Variants in AFAP1L2 observed in about 807,000 individuals in gnomAD.
The protein encoded by AFAP1L2 is actin filament associated protein 1 like 2.
Under a neutral mutation model 99.3 loss-of-function variants are expected in AFAP1L2, and 46 were observed. The observed-to-expected ratio is 0.46, with a 90% CI of 0.37 to 0.59. The LOEUF (loss-of-function observed/expected upper bound fraction) is 0.59, where lower values mean the gene tolerates loss of function less well. Ranked by LOEUF, AFAP1L2 falls within the 20% of genes least tolerant of loss-of-function variation. The pLI is 0.00. For synonymous variants in AFAP1L2, 397 were observed against 419.1 expected (o/e 0.95, Z 0.64); for missense variants, 959 against 1,034.9 (o/e 0.93, Z 1.01).
rs565516700 is a variant in AFAP1L2, at chr10:114,356,874, G to A, written c.17-16143C>T. On this transcript the variant is annotated intron_variant, in intron 1 of 18. Transcript: ENST00000304129. ...ACATGTGTTGGTCATGATTTACCAA[G>A]GTGAGAAGGCTCTAAAAAAGGAAAG... is the stretch of plus-strand genomic sequence containing the variant. 1.2e-4 allele frequency among the ~76,000 whole-genome samples: 18 copies of A among 152,320 alleles called. No individual in the cohort carries two copies. The East Asian group carries it at 3.3e-3, about 28-fold the overall frequency.
chr10:114,399,617 C>T (rs1228547889), intron 1 of AFAP1L2, among the ~76,000 whole-genome samples: 1 of 152,058 alleles, frequency 6.6e-6, no homozygotes, highest in Non-Finnish European at 1.5e-5. Context: ...AATAATGGTC[C>T]GTGTTGCAGA....
At chr10:114,298,116 G>A (rs192333556) in intron 16 of AFAP1L2, among the ~76,000 whole-genome samples, 2 of 152,334 alleles carry the variant, frequency 1.3e-5, no homozygotes, top group African/African-American at 4.8e-5. Flanking sequence ...GGTGGTTCAC[G>A]CCTGTAATCC....
chr10:114,327,147 T>TTTTATATATATATA (rs1364666260), intron 4 of AFAP1L2, among the ~76,000 whole-genome samples: 9 of 54,536 alleles, frequency 1.7e-4, no homozygotes, highest in South Asian at 6.2e-4. Flanking sequence ...TTATATATAT[T>TTTTATATATATATA]TATATATATA....
At chr10:114,381,878 C>CAT (rs1365187196) in intron 1 of AFAP1L2, among the ~76,000 whole-genome samples, 4 of 151,962 alleles carry the variant, frequency 2.6e-5, no homozygotes, top group Non-Finnish European at 5.9e-5. Flanking sequence ...TGTACACACA[C>CAT]ACACACACAG....
chr10:114,300,444 C>T lies in AFAP1L2; in HGVS notation c.1788+1G>A. ...TGCTGTCCTGCAGGGGAGGCCTGTA[C>T]CTGTTCTCCCAGGTTCTCTGGACAC... is the stretch of plus-strand genomic sequence containing the variant. On this transcript the variant is annotated splice_donor_variant, in intron 14 of 18. Coordinates refer to ENST00000304129, the MANE Select transcript of AFAP1L2 (RefSeq NM_001001936.3). LOFTEE classifies it high-confidence loss of function. 6.2e-7 allele frequency: 1 copy of T among 1,613,326 alleles called. No individual in the cohort carries two copies.
At chr10:114,347,308 G>A (rs761526273) in intron 1 of AFAP1L2, among the ~76,000 whole-genome samples, 7 of 152,164 alleles carry the variant, frequency 4.6e-5, no homozygotes, top group Admixed American at 3.3e-4. Context: ...AAGTTCTCAA[G>A]ATGAGCTTCT....
intron 4 of AFAP1L2, among the ~76,000 whole-genome samples, chr10:114,323,747 G>A (rs2045766197): frequency 6.6e-6 from 1 of 152,140 alleles, no homozygotes; most frequent in South Asian, 2.1e-4. Flanking sequence ...GCAAATATTG[G>A]ATGACTTCCA....
At chr10:114,363,229 T>G in intron 1 of AFAP1L2, 1 of 954,916 alleles carries the variant, frequency 1.0e-6, no homozygotes, top group Non-Finnish European at 1.2e-6. Context: ...AAATTCCAAG[T>G]TGCATCTCTT....
chr10:114,350,282 C>T lies in AFAP1L2; in HGVS notation c.17-9551G>A, dbSNP rs370896366. Among the ~76,000 whole-genome samples, 92 of 152,328 alleles carry T rather than the reference C, an allele frequency of 6.0e-4. No homozygotes were observed. The South Asian group carries it at 0.01, about 17-fold the overall frequency. The stretch of plus-strand genomic sequence containing the variant: ...TGCCCAGAAGCACTACCTGTCCATC[C>T]GGCCCAATAGCACACAGGGCTATTA... On this transcript the variant is annotated intron_variant, in intron 1 of 18. Coordinates refer to ENST00000304129, the MANE Select transcript of AFAP1L2 (RefSeq NM_001001936.3).
intron 1 of AFAP1L2, among the ~76,000 whole-genome samples, chr10:114,380,393 C>A (rs779646660): frequency 6.6e-6 from 1 of 152,224 alleles, no homozygotes; most frequent in Non-Finnish European, 1.5e-5. Flanking sequence ...ATGAAAAACT[C>A]TACCTTTCCT....
intron 1 of AFAP1L2, among the ~76,000 whole-genome samples, chr10:114,365,491 A>G (rs995863571): frequency 6.6e-6 from 1 of 152,176 alleles, no homozygotes; most frequent in Admixed American, 6.5e-5. Flanking sequence ...ATTCCTAGAA[A>G]CAAATAATAT....
chr10:114,327,147 T>TTATTTATATATATATA (rs1554902752), intron 4 of AFAP1L2, among the ~76,000 whole-genome samples: 2 of 54,538 alleles, frequency 3.7e-5, no homozygotes, highest in Non-Finnish European at 4.9e-5. Context: ...TTATATATAT[T>TTATTTATATATATATA]TATATATATA....
chr10:114,387,480 G>A lies in AFAP1L2; in HGVS notation c.16+16960C>T, dbSNP rs74157598. Among the ~76,000 whole-genome samples, 156 of 152,312 alleles carry A rather than the reference G, an allele frequency of 1.0e-3. 1 individual carries two copies. The highest frequency in any genetic ancestry group is 3.6e-3 in the African/African-American group (150 of 41,564). ...GTAGGCATCAGAAATAAACATGGCAGACCCATGGCACATACAGCCCAATGC... is the reference window on the plus strand; with the variant it reads ...GTAGGCATCAGAAATAAACATGGCAAACCCATGGCACATACAGCCCAATGC... On this transcript the variant is annotated intron_variant, in intron 1 of 18. Coordinates refer to ENST00000304129, the MANE Select transcript of AFAP1L2 (RefSeq NM_001001936.3).
intron 8 of AFAP1L2, among the ~76,000 whole-genome samples, chr10:114,309,930 T>C (rs1263883556): frequency 6.6e-6 from 1 of 152,166 alleles, no homozygotes; most frequent in Non-Finnish European, 1.5e-5. Flanking sequence ...TTTCTTCTTC[T>C]CTTTTTTCTT....
the AFAP1L2 span, chr10:114,282,645 C>A: frequency 7.4e-7 from 1 of 1,343,000 alleles, no homozygotes; most frequent in Non-Finnish European, 1.1e-6. Flanking sequence ...GTGGCTTTTA[C>A]AATCCTGGGA....
At chr10:114,309,822 C>A (rs1490915487) in intron 8 of AFAP1L2, among the ~76,000 whole-genome samples, 3 of 152,296 alleles carry the variant, frequency 2.0e-5, no homozygotes, top group East Asian at 3.9e-4. Context: ...ATTCGCCCAC[C>A]CCCGGCACCT....
At chr10:114,353,917 G>C (rs1375696399) in intron 1 of AFAP1L2, among the ~76,000 whole-genome samples, 1 of 152,152 alleles carries the variant, frequency 6.6e-6, no homozygotes. Flanking sequence ...ATGGCATCTT[G>C]GGAGACGGAA....
Position 114,311,845 on chromosome 10 carries a change from G to A in AFAP1L2, c.793-1402C>T, listed in dbSNP as rs537248361. Among the ~76,000 whole-genome samples, 10 of 152,310 alleles carry A rather than the reference G, an allele frequency of 6.6e-5. No individual in the cohort carries two copies. In the East Asian group the frequency reaches 1.9e-3, roughly 29 times the overall value. ...CCTGTCTCACCCTGGGCATGGGTGC[G>A]GATATGCAGAATTGGGACACAGAGG... On this transcript the variant is annotated intron_variant, in intron 7 of 18. Transcript: ENST00000304129.
At chr10:114,399,696 C>T (rs1043457425) in intron 1 of AFAP1L2, among the ~76,000 whole-genome samples, 1 of 152,136 alleles carries the variant, frequency 6.6e-6, no homozygotes, top group Non-Finnish European at 1.5e-5. Flanking sequence ...GAAATGAATT[C>T]CTCACATGGC....
Sources: allele counts gnomAD v4.1 joint callset (sites outside exome capture counted in the v4.1 genomes callset), GRCh38; gene constraint gnomAD v4.1.1; transcripts MANE v1.5; gene names NCBI Gene and HGNC (gene_info 2026-07-23, HGNC 2026-07-21).